Variants in RPIA observed in about 807,000 individuals in gnomAD.
The protein encoded by RPIA is ribose 5-phosphate isomerase A.
RPIA carries 29 observed loss-of-function variants against 37.8 expected under a neutral mutation model. That is an observed-to-expected ratio of 0.77 (90% confidence interval 0.57 to 1.05). RPIA has a LOEUF of 1.05. Among genes scored for constraint, RPIA ranks in the 50% least tolerant of loss-of-function variants. The pLI, the probability that RPIA is intolerant of heterozygous loss-of-function variation, is 0.00. For missense variants in RPIA, 385 were observed against 413.6 expected (o/e 0.93, Z 0.60); for synonymous variants, 167 against 157.0 (o/e 1.06, Z -0.48).
At chr2:88,694,979 C>CAAAAAAAAA (rs61633535) in intron 1 of RPIA, among the ~76,000 whole-genome samples, 3 of 119,122 alleles carry the variant, frequency 2.5e-5, no homozygotes, top group African/African-American at 8.7e-5. Flanking sequence ...AATAAAGTCT[C>CAAAAAAAAA]AAAAAAAAAA....
intron 8 of RPIA, among the ~76,000 whole-genome samples, chr2:88,745,478 G>A (rs1673428721): frequency 1.3e-5 from 2 of 152,076 alleles, no homozygotes; most frequent in Admixed American, 1.3e-4. Context: ...CTTGGTAGTG[G>A]CGAATTCTCT....
intron 3 of RPIA, among the ~76,000 whole-genome samples, chr2:88,727,091 G>GTGTGTGCGCGCGCATGTGTGCGCGTGCA (rs1025397504): frequency 4.6e-5 from 7 of 152,224 alleles, no homozygotes; most frequent in Admixed American, 3.9e-4. Flanking sequence ...GTGCGTGTGT[G>GTGTGTGCGCGCGCATGTGTGCGCGTGCA]TGTGTGCGCG....
intron 5 of RPIA, among the ~76,000 whole-genome samples, chr2:88,735,037 A>C (rs1440162675): frequency 2.0e-5 from 3 of 152,200 alleles, no homozygotes; most frequent in Non-Finnish European, 4.4e-5. Context: ...GTATTTCTTA[A>C]GTGCTGATTT....
chr2:88,726,143 C>A (rs942595227), intron 3 of RPIA, among the ~76,000 whole-genome samples: 2 of 152,010 alleles, frequency 1.3e-5, no homozygotes, highest in African/African-American at 4.8e-5. Flanking sequence ...CAGTGGGCCC[C>A]CCAGCTGCAG....
chr2:88,724,276 C>T (rs970530823), intron 3 of RPIA, among the ~76,000 whole-genome samples: 3 of 151,996 alleles, frequency 2.0e-5, no homozygotes, highest in African/African-American at 4.8e-5. Flanking sequence ...GAAACTTTTG[C>T]CTCTGAATAT....
chr2:88,698,514 T>C lies in RPIA; in HGVS notation c.316T>C (p.Ser106Pro). 6.2e-7 allele frequency: 1 copy of C among 1,614,228 alleles called. No homozygotes were observed. The highest frequency in any genetic ancestry group is 1.1e-5 in the South Asian group (1 of 91,084). ...NNQVLGIGSG[S>P]TIVHAVQRIA... ...CCAAGTGCTGGGAATTGGAAGTGGT[T>C]CTACAATTGTCCATGCTGTGCAGCG... Residue 106 changes from serine (S) to proline (P), a missense_variant, in exon 2 of 9, where the codon TCT becomes CCT. By Grantham distance (74) the Ser-to-Pro change is moderately conservative. Coordinates refer to ENST00000283646, the MANE Select transcript of RPIA (RefSeq NM_144563.3).
At chr2:88,735,332 G>T (rs1050784163) in intron 5 of RPIA, among the ~76,000 whole-genome samples, 1 of 152,058 alleles carries the variant, frequency 6.6e-6, no homozygotes, top group Non-Finnish European at 1.5e-5. Flanking sequence ...TGTTCAAAGC[G>T]TGCCCTCCTC....
At chr2:88,739,635 T>A (rs1673358817) in intron 8 of RPIA, among the ~76,000 whole-genome samples, 1 of 152,228 alleles carries the variant, frequency 6.6e-6, no homozygotes, top group African/African-American at 2.4e-5. Context: ...ATTAATTTTT[T>A]GAGATAGGGT....
Position 88,737,907 on chromosome 2 carries a change from C to T in RPIA, c.739-70C>T, listed in dbSNP as rs529616905. 3.8e-4 allele frequency: 439 copies of T among 1,152,044 alleles called. 3 individuals carry two copies. In the South Asian group the frequency reaches 4.8e-3, roughly 13 times the overall value. The allele number at this position is 1,152,044 out of a possible 1,614,324, so 71.4% of individuals were successfully genotyped here. Reference sequence around the variant, plus strand: ...ATGCATACTTGTCTTTGGTTATCCCCTCTACTTTCCTGTCCTTCTCTGCCT... The same window carrying T: ...ATGCATACTTGTCTTTGGTTATCCCTTCTACTTTCCTGTCCTTCTCTGCCT... On this transcript the variant is annotated intron_variant, in intron 7 of 8. Coordinates refer to ENST00000283646, the MANE Select transcript of RPIA (RefSeq NM_144563.3).
chr2:88,705,830 G>A (rs190661890), intron 3 of RPIA, among the ~76,000 whole-genome samples: 1 of 152,118 alleles, frequency 6.6e-6, no homozygotes, highest in African/African-American at 2.4e-5. Context: ...CTAATATCTA[G>A]AATCTACAAG....
intron 2 of RPIA, 51 bp from the exon 3 acceptor site, chr2:88,699,958 G>A (rs1158603): frequency 0.43 from 689,026 of 1,587,674 alleles, 154,940 homozygotes; most frequent in African/African-American, 0.71. Context: ...ATGACAAGAA[G>A]AATAAAGTAA....
At chr2:88,707,127 A>G (rs928295230) in intron 3 of RPIA, among the ~76,000 whole-genome samples, 3 of 152,238 alleles carry the variant, frequency 2.0e-5, no homozygotes, top group Non-Finnish European at 4.4e-5. Flanking sequence ...GTTTGGACGC[A>G]TGCAATTTTC....
At chr2:88,696,128 G>C (rs960272221) in intron 1 of RPIA, among the ~76,000 whole-genome samples, 7 of 152,154 alleles carry the variant, frequency 4.6e-5, no homozygotes, top group African/African-American at 1.7e-4. Context: ...TTCAGGACTT[G>C]TCTTCTTCCT....
At chr2:88,736,762 G>T (rs539775138) in intron 7 of RPIA, 86 bp downstream of exon 7, 735 of 1,470,714 alleles carry the variant, frequency 5.0e-4, no homozygotes, top group South Asian at 6.4e-4. Context: ...GTTAGGTCAT[G>T]TGTGCTTCCA....
At chr2:88,695,753 G>C (rs1672733837) in intron 1 of RPIA, among the ~76,000 whole-genome samples, 1 of 152,182 alleles carries the variant, frequency 6.6e-6, no homozygotes, top group South Asian at 2.1e-4. Flanking sequence ...TGCGAGCCCT[G>C]TTCTGACAGC....
intron 3 of RPIA, among the ~76,000 whole-genome samples, chr2:88,703,326 A>G (rs1274473421): frequency 1.3e-5 from 2 of 152,188 alleles, no homozygotes; most frequent in East Asian, 3.8e-4. Flanking sequence ...TTCCATCCGC[A>G]CTGCCCTAGC....
intron 3 of RPIA, 133 bp downstream of exon 3, chr2:88,700,197 A>C (rs1672811072): frequency 1.2e-6 from 1 of 837,502 alleles, no homozygotes; most frequent in Admixed American, 1.8e-5. Flanking sequence ...AGGAGAGTTT[A>C]TTGACCAAGG....
intron 5 of RPIA, 110 bp downstream of exon 5, chr2:88,734,726 C>A: frequency 8.5e-7 from 1 of 1,176,604 alleles, no homozygotes; most frequent in Non-Finnish European, 1.3e-6. Flanking sequence ...GCAAGTTTGT[C>A]TTTCTCCTAG....
intron 8 of RPIA, among the ~76,000 whole-genome samples, chr2:88,743,573 C>CT (rs35515010): frequency 0.22 from 34,188 of 151,956 alleles, 4,327 homozygotes; most frequent in Middle Eastern, 0.45. Flanking sequence ...AGAGGATTCC[C>CT]TTTTTTTCCC....
Sources: allele counts gnomAD v4.1 joint callset (sites outside exome capture counted in the v4.1 genomes callset), GRCh38; gene constraint gnomAD v4.1.1; transcripts MANE v1.5; gene names NCBI Gene and HGNC (gene_info 2026-07-23, HGNC 2026-07-21).